Variants in LGR6 observed in about 807,000 individuals in gnomAD.
The protein encoded by LGR6 is leucine rich repeat containing G protein-coupled receptor 6.
In LGR6, 45 loss-of-function variants were observed where a neutral mutation model predicts 69.4. That is an observed-to-expected ratio of 0.65 (90% CI 0.51 to 0.83). LGR6 has a LOEUF of 0.83. LGR6 is among the 40% of genes least tolerant of loss of function. The probability of loss-of-function intolerance (pLI) is 0.00; values close to 1 mark genes in which losing one functional copy is unlikely to be tolerated. For synonymous variants in LGR6, 538 were observed against 555.0 expected (o/e 0.97, Z 0.43); for missense variants, 1,108 against 1,246.7 (o/e 0.89, Z 1.68).
chr1:202,318,256 T>G lies in LGR6; in HGVS notation c.1953T>G (p.Leu651=). ...GCRATGFLAV[L]GSEASVLLLT... is the part of the protein sequence containing the mutation. ...GGGCCACTGGCTTCCTGGCAGTACTTGGGTCGGAGGCATCGGTGCTGCTGC... is the reference window on the plus strand; with the variant it reads ...GGGCCACTGGCTTCCTGGCAGTACTGGGGTCGGAGGCATCGGTGCTGCTGC... Residue 651 remains leucine, a synonymous_variant, in exon 18 of 18, where the codon CTT becomes CTG. Transcript: ENST00000367278. The G allele has an allele frequency of 6.2e-7, 1 of 1,610,688 alleles. No individual in the cohort carries two copies. The highest frequency in any genetic ancestry group is 8.5e-7 in the Non-Finnish European group (1 of 1,178,444).
At chr1:202,216,334 C>T (rs528626315) in intron 1 of LGR6, among the ~76,000 whole-genome samples, 2 of 152,278 alleles carry the variant, frequency 1.3e-5, no homozygotes, top group South Asian at 4.1e-4. Flanking sequence ...AAGTAATTAT[C>T]CAAAATCGCA....
chr1:202,253,483 T>C (rs927898610), intron 4 of LGR6, among the ~76,000 whole-genome samples: 1 of 151,494 alleles, frequency 6.6e-6, no homozygotes, highest in East Asian at 2.0e-4. Flanking sequence ...TTTGTATTTT[T>C]AGTAGAAGCG....
chr1:202,275,829 G>A (rs1665501249), intron 4 of LGR6, among the ~76,000 whole-genome samples: 1 of 152,162 alleles, frequency 6.6e-6, no homozygotes, highest in South Asian at 2.1e-4. Flanking sequence ...TAGCAAGGTC[G>A]AGGTCACACT....
At position 202,318,558 on chromosome 1, in the gene LGR6, T is replaced by A; in HGVS notation, c.2255T>A (p.Ile752Asn). 1 of 1,614,066 alleles carries A rather than the reference T, an allele frequency of 6.2e-7. No individual in the cohort carries two copies. The highest frequency in any genetic ancestry group is 8.5e-7 in the Non-Finnish European group (1 of 1,179,996). The change falls in exon 18 of 18, where the codon ATC (isoleucine) becomes AAC (asparagine). Residue 752 changes from isoleucine (I) to asparagine (N), a missense_variant. Ile to Asn is a moderately radical substitution (Grantham distance 149). Coordinates refer to ENST00000367278, the MANE Select transcript of LGR6 (RefSeq NM_001017403.2). ...FCFLVVAGAY[I>N]KLYCDLPRGD... is the part of the protein sequence containing the mutation. Reference sequence around the variant, plus strand: ...TTCCTGGTCGTGGCCGGTGCCTACATCAAACTGTACTGTGACCTGCCGCGG... The same window carrying A: ...TTCCTGGTCGTGGCCGGTGCCTACAACAAACTGTACTGTGACCTGCCGCGG...
At chr1:202,232,094 G>A (rs1571854731) in intron 3 of LGR6, among the ~76,000 whole-genome samples, 3 of 76,240 alleles carry the variant, frequency 3.9e-5, no homozygotes, top group South Asian at 7.0e-4. Context: ...AGAGCAAAAC[G>A]CCGTCTCAAA....
chr1:202,286,897 A>G (rs1383861068), intron 6 of LGR6, among the ~76,000 whole-genome samples: 1 of 152,124 alleles, frequency 6.6e-6, no homozygotes, highest in African/African-American at 2.4e-5. Flanking sequence ...TGTGGGGGGT[A>G]GCCAAGGTCA....
intron 4 of LGR6, among the ~76,000 whole-genome samples, chr1:202,238,534 C>T (rs924892623): frequency 1.6e-4 from 24 of 151,250 alleles, no homozygotes; most frequent in African/African-American, 5.6e-4. Flanking sequence ...AGAGATTCTC[C>T]TGCCTCAGCC....
chr1:202,280,752 A>G (rs1264238323), intron 5 of LGR6, 29 bp from the exon 6 acceptor site: 2 of 1,612,846 alleles, frequency 1.2e-6, no homozygotes, highest in Admixed American at 3.3e-5. Context: ...GTGGGCACCC[A>G]TTCTGATGCG....
intron 4 of LGR6, among the ~76,000 whole-genome samples, chr1:202,273,559 G>C (rs1665287868): frequency 6.6e-6 from 1 of 151,706 alleles, no homozygotes; most frequent in African/African-American, 2.4e-5. Context: ...CCAGGTTCAA[G>C]CAACTCTCCT....
intron 4 of LGR6, among the ~76,000 whole-genome samples, chr1:202,238,411 CCTT>C (rs1287890948): frequency 9.4e-6 from 1 of 106,858 alleles, no homozygotes; most frequent in Non-Finnish European, 1.8e-5. Context: ...CCAGCCTGAT[CCTT>C]TTTTTTTTTT....
intron 15 of LGR6, among the ~76,000 whole-genome samples, chr1:202,309,405 C>A (rs1014690024): frequency 1.3e-5 from 2 of 152,248 alleles, no homozygotes; most frequent in Non-Finnish European, 2.9e-5. Context: ...AGCTCCAACG[C>A]TAGTGAGCAC....
In LGR6 at chr1:202,318,097, G is replaced by C; in HGVS notation, c.1794G>C (p.Lys598Asn). 3.1e-6 allele frequency: 5 copies of C among 1,614,224 alleles called. No homozygotes were observed. Among genetic ancestry groups the C allele is most frequent in the Non-Finnish European group, 4.2e-6 (5 of 1,180,038 alleles). ...GGCCTGTCCCCCTGCCCCCGGTCAAGTTTGTGGTAGGTGCGATTGCAGGCG... is the reference window on the plus strand; with the variant it reads ...GGCCTGTCCCCCTGCCCCCGGTCAACTTTGTGGTAGGTGCGATTGCAGGCG... ...AGGPVPLPPV[K>N]FVVGAIAGAN... The change falls in exon 18 of 18, where the codon AAG becomes AAC. Residue 598 changes from lysine (K) to asparagine (N), a missense_variant. Transcript: ENST00000367278.
rs1303783199 is a variant in LGR6, at chr1:202,193,999, C to T, written c.10C>T (p.Pro4Ser). 2.9e-6 allele frequency: 4 copies of T among 1,375,788 alleles called. No homozygotes were observed. The East Asian group carries it at 1.3e-4, about 44-fold the overall frequency. 85.2% of individuals were successfully genotyped at this position (1,375,788 alleles called of 1,614,324 possible). Reference protein sequence around the residue: MPSPPGLRALWLCA... With the variant: MPSSPGLRALWLCA... ...TAGCCCGACCGCCGAGATGCCCAGCCCGCCGGGGCTCCGGGCGCTATGGCT... is the reference window on the plus strand; with the variant it reads ...TAGCCCGACCGCCGAGATGCCCAGCTCGCCGGGGCTCCGGGCGCTATGGCT... Residue 4 changes from proline (P) to serine (S), a missense_variant, in exon 1 of 18, where the codon CCG becomes TCG. Coordinates refer to ENST00000367278, the MANE Select transcript of LGR6 (RefSeq NM_001017403.2).
intron 13 of LGR6, 38 bp from the exon 14 acceptor site, chr1:202,307,292 G>C: frequency 6.3e-7 from 1 of 1,594,700 alleles, no homozygotes; most frequent in East Asian, 2.2e-5. Context: ...TCCTCCACAT[G>C]TTACTGTCCC....
Position 202,280,803 on chromosome 1 carries a change from C to T in LGR6, c.667C>T (p.Gln223Ter). The T allele has an allele frequency of 6.2e-7, 1 of 1,614,240 alleles. No individual in the cohort carries two copies. Among genetic ancestry groups the T allele is most frequent in the Non-Finnish European group, 8.5e-7 (1 of 1,180,050 alleles). Reference protein sequence around the residue: ...VVLHLHNNRIQHLGTHSFEGL... With the variant: ...VVLHLHNNRI Reference sequence around the variant, plus strand: ...CAGGCATTTGCATAACAACCGCATCCAGCATCTGGGGACCCACAGCTTCGA... The same window carrying T: ...CAGGCATTTGCATAACAACCGCATCTAGCATCTGGGGACCCACAGCTTCGA... The change falls in exon 6 of 18, where the codon CAG becomes TAG. Residue 223 changes from glutamine (Q) to a stop codon, truncating the protein, a stop_gained. Transcript: ENST00000367278. LOFTEE classifies it high-confidence loss of function.
intron 9 of LGR6, among the ~76,000 whole-genome samples, chr1:202,302,332 C>T (rs1404675849): frequency 6.6e-6 from 1 of 152,172 alleles, no homozygotes; most frequent in Non-Finnish European, 1.5e-5. Flanking sequence ...GGTACTCAGG[C>T]CCTGTTGGGC....
At chr1:202,311,695 A>G (rs1229422903) in intron 16 of LGR6, among the ~76,000 whole-genome samples, 2 of 152,224 alleles carry the variant, frequency 1.3e-5, no homozygotes, top group Non-Finnish European at 2.9e-5. Context: ...TAAATGAGAA[A>G]GATAATGGAT....
At chr1:202,244,770 C>T (rs1453689050) in intron 4 of LGR6, among the ~76,000 whole-genome samples, 1 of 152,168 alleles carries the variant, frequency 6.6e-6, no homozygotes, top group Non-Finnish European at 1.5e-5. Flanking sequence ...TCCATTTCAC[C>T]CACTACAAGG....
At chr1:202,210,438 A>AAAC (rs1553239199) in intron 1 of LGR6, among the ~76,000 whole-genome samples, 5 of 151,780 alleles carry the variant, frequency 3.3e-5, no homozygotes, top group African/African-American at 1.2e-4. Context: ...GAAAAAAAAA[A>AAAC]AAAAACAAAA....
Sources: allele counts gnomAD v4.1 joint callset (sites outside exome capture counted in the v4.1 genomes callset), GRCh38; gene constraint gnomAD v4.1.1; transcripts MANE v1.5; gene names NCBI Gene and HGNC (gene_info 2026-07-23, HGNC 2026-07-21).